DPP6: variants seen among roughly 807,000 people sequenced by gnomAD.
DPP6 encodes A-type potassium channel modulatory protein DPP6.
In DPP6, 69 loss-of-function variants were observed where a neutral mutation model predicts 122.6. That is an observed-to-expected ratio of 0.56 (90% CI 0.46 to 0.69). The LOEUF is 0.69. DPP6 is among the 30% of genes least tolerant of loss of function. The pLI is 0.00. For missense variants in DPP6, 928 were observed against 1,116.9 expected, an observed-to-expected ratio of 0.83 and a Z score of 2.41; for synonymous variants, 418 against 433.1, an observed-to-expected ratio of 0.97 and a Z score of 0.43.
chr7:154,297,911 T>C (rs1242400949), intron 1 of DPP6, among the ~76,000 whole-genome samples: 2 of 152,162 alleles, frequency 1.3e-5, no homozygotes, highest in African/African-American at 4.8e-5. Flanking sequence ...CTGCCTGTCA[T>C]GGTTAGTTTT....
intron 1 of DPP6, among the ~76,000 whole-genome samples, chr7:154,332,735 C>T (rs987010416): frequency 6.6e-6 from 1 of 152,168 alleles, no homozygotes; most frequent in Non-Finnish European, 1.5e-5. Flanking sequence ...CTGTCTCCCC[C>T]CTCCAACCTT....
intron 1 of DPP6, among the ~76,000 whole-genome samples, chr7:153,998,093 T>C (rs2628974): frequency 0.021 from 3,081 of 146,524 alleles, 83 homozygotes; most frequent in African/African-American, 0.07. Flanking sequence ...TTGGAAGGAA[T>C]ATCAGCATCC....
At chr7:154,690,806 G>A (rs1419049585) in intron 7 of DPP6, among the ~76,000 whole-genome samples, 1 of 152,136 alleles carries the variant, frequency 6.6e-6, no homozygotes, top group Non-Finnish European at 1.5e-5. Flanking sequence ...TATTTGCCCT[G>A]ATCACTTCAT....
chr7:154,055,186 T>C (rs992019563), intron 1 of DPP6, among the ~76,000 whole-genome samples: 2 of 144,844 alleles, frequency 1.4e-5, no homozygotes, highest in South Asian at 2.3e-4. Context: ...TGCACACATA[T>C]ATACTTGCCC....
intron 1 of DPP6, among the ~76,000 whole-genome samples, chr7:154,192,907 G>A (rs977115994): frequency 1.3e-5 from 2 of 152,254 alleles, no homozygotes; most frequent in Non-Finnish European, 2.9e-5. Flanking sequence ...TTGTACGGAA[G>A]TCCAGAGCTA....
At position 154,225,976 on chromosome 7, in the gene DPP6, G is replaced by C. The variant is rs193104579; in HGVS notation, c.243+172913G>C. Among the ~76,000 whole-genome samples, 577 of 152,142 alleles carry C rather than the reference G, an allele frequency of 3.8e-3. 18 individuals are homozygous for C. Among genetic ancestry groups the C allele is most frequent in the South Asian group, 6.2e-4 (3 of 4,816 alleles). ...AAGGCAATTCATGTTACCCACTTTT[G>C]ATGAATGAGCAACTGAAGATGATCC... On this transcript the variant is annotated intron_variant, in intron 1 of 25. Transcript: ENST00000377770.
intron 1 of DPP6, among the ~76,000 whole-genome samples, chr7:154,267,457 A>G (rs1803496516): frequency 1.4e-5 from 2 of 147,690 alleles, no homozygotes; most frequent in Non-Finnish European, 3.0e-5. Flanking sequence ...TAATGTGTGT[A>G]TATATTTATC....
the DPP6 span, among the ~76,000 whole-genome samples, chr7:153,872,643 A>G: frequency 6.6e-6 from 1 of 152,218 alleles, no homozygotes; most frequent in Non-Finnish European, 1.5e-5. Flanking sequence ...ACTCATTTAT[A>G]CAGCATGATG....
chr7:154,206,304 C>A (rs886102232), intron 1 of DPP6, among the ~76,000 whole-genome samples: 5 of 152,236 alleles, frequency 3.3e-5, no homozygotes, highest in African/African-American at 1.2e-4. Context: ...TGCTCTCTTA[C>A]ATAAATTAGC....
At chr7:154,490,361 T>G (rs1824171370) in intron 3 of DPP6, among the ~76,000 whole-genome samples, 6 of 152,206 alleles carry the variant, frequency 3.9e-5, no homozygotes, top group Admixed American at 3.9e-4. Flanking sequence ...GTGCAGCCCG[T>G]GGCTACATCC....
Position 154,650,822 on chromosome 7 carries a change from C to G in DPP6, c.680+12949C>G, listed in dbSNP as rs538327021. Among the ~76,000 whole-genome samples, 15 of 152,306 alleles carry G rather than the reference C, an allele frequency of 9.8e-5. No homozygotes were observed. The South Asian group carries it at 3.1e-3, about 32-fold the overall frequency. ...ACCTGGCCTGTAGCAGCTGTCTTCT[C>G]TACATCCAACTGGATGGATGAAGGC... On this transcript the variant is annotated intron_variant, in intron 6 of 25. Coordinates refer to ENST00000377770, the MANE Select transcript of DPP6 (RefSeq NM_130797.4).
At chr7:154,790,769 G>A (rs1797619937) in intron 10 of DPP6, among the ~76,000 whole-genome samples, 1 of 142,678 alleles carries the variant, frequency 7.0e-6, no homozygotes, top group South Asian at 2.4e-4. Flanking sequence ...TTTTTCCTCA[G>A]TGCAACAGCC....
chr7:153,849,736 A>G, the DPP6 span, among the ~76,000 whole-genome samples: 6 of 152,172 alleles, frequency 3.9e-5, no homozygotes, highest in African/African-American at 7.2e-5. Context: ...AACATGCAGT[A>G]TTCTTCCTTG....
chr7:154,067,564 G>A (rs1802820024), intron 1 of DPP6, among the ~76,000 whole-genome samples: 1 of 152,122 alleles, frequency 6.6e-6, no homozygotes, highest in South Asian at 2.1e-4. Context: ...CCTCGGAGAT[G>A]GGCAGGGCAC....
At chr7:154,127,245 A>G (rs758871883) in intron 1 of DPP6, among the ~76,000 whole-genome samples, 1 of 152,222 alleles carries the variant, frequency 6.6e-6, no homozygotes, top group South Asian at 2.1e-4. Flanking sequence ...GCTAATTCCA[A>G]TGATTGCTGT....
At position 154,373,809 on chromosome 7, in the gene DPP6, G is replaced by A. The variant is rs576558693; in HGVS notation, c.244-72405G>A. Reference sequence around the variant, plus strand: ...CCCATTCCCTCCTCCCGCAGCCCCTGGCACCCACCATTCAACTTTCTGTCT... The same window carrying A: ...CCCATTCCCTCCTCCCGCAGCCCCTAGCACCCACCATTCAACTTTCTGTCT... On this transcript the variant is annotated intron_variant, in intron 1 of 25. Transcript: ENST00000377770. Among the ~76,000 whole-genome samples, 45 of 152,152 alleles carry A rather than the reference G, an allele frequency of 3.0e-4. No homozygotes were observed. The South Asian group carries it at 9.3e-3, about 32-fold the overall frequency.
At chr7:153,771,987 A>AT in the DPP6 span, among the ~76,000 whole-genome samples, 1 of 152,198 alleles carries the variant, frequency 6.6e-6, no homozygotes, top group Non-Finnish European at 1.5e-5. Context: ...TCTATAGTGT[A>AT]TTTATAGCAT....
At chr7:154,078,713 G>T (rs1344169000) in intron 1 of DPP6, among the ~76,000 whole-genome samples, 1 of 151,918 alleles carries the variant, frequency 6.6e-6, no homozygotes, top group Non-Finnish European at 1.5e-5. Flanking sequence ...AATAATGAGT[G>T]GTTGCCATAG....
At chr7:154,576,659 C>T (rs1831693870) in intron 5 of DPP6, among the ~76,000 whole-genome samples, 1 of 152,196 alleles carries the variant, frequency 6.6e-6, no homozygotes, top group African/African-American at 2.4e-5. Flanking sequence ...AGACAGAATG[C>T]AAGAGCGGTC....
Sources: gnomAD v4.1 joint callset for allele counts (sites outside exome capture counted in the v4.1 genomes callset) on GRCh38, gnomAD v4.1.1 for gene constraint, MANE v1.5 for transcripts, NCBI Gene and HGNC (gene_info 2026-07-23, HGNC 2026-07-21) for gene names.